The following PTPRJ variants were observed in gnomAD, a reference collection of about 807,000 sequenced individuals.
The protein encoded by PTPRJ is receptor-type tyrosine-protein phosphatase eta.
A neutral mutation model predicts 141.3 loss-of-function variants in PTPRJ; 129 were observed. The ratio of observed to expected loss-of-function variants is 0.91; its 90% CI spans 0.79 to 1.06. The LOEUF (loss-of-function observed/expected upper bound fraction) is 1.06. PTPRJ is among the 50% of genes least tolerant of loss of function. The pLI is 0.00. For synonymous variants in PTPRJ, 610 were observed against 640.5 expected (o/e 0.95, Z 0.72); for missense variants, 1,601 against 1,679.7 (o/e 0.95, Z 0.82).
chr11:48,121,730 T>C (rs1041547480), intron 4 of PTPRJ, among the ~76,000 whole-genome samples: 32 of 152,334 alleles, frequency 2.1e-4, no homozygotes, highest in African/African-American at 7.7e-4. Context: ...AATTCAGATT[T>C]GACAGTTTAG....
chr11:48,145,241 C>T (rs1857323244), intron 14 of PTPRJ, 117 bp downstream of exon 14: 1 of 1,402,094 alleles, frequency 7.1e-7, no homozygotes, highest in Non-Finnish European at 9.8e-7. Flanking sequence ...GTGTGCCCAG[C>T]TCTCCCCTCC....
chr11:48,149,316 G>C, intron 15 of PTPRJ, 131 bp from the exon 16 acceptor site: 2 of 683,006 alleles, frequency 2.9e-6, no homozygotes, highest in East Asian at 5.8e-5. Context: ...TTTGGTGTCA[G>C]CTGTGAACTA....
At chr11:48,037,847 A>G (rs556934075) in intron 1 of PTPRJ, among the ~76,000 whole-genome samples, 1 of 151,964 alleles carries the variant, frequency 6.6e-6, no homozygotes, top group African/African-American at 2.4e-5. Context: ...CCACACACCT[A>G]GTTTTTCAGC....
chr11:48,081,447 G>GGGGCTT (rs1291891798), intron 1 of PTPRJ, among the ~76,000 whole-genome samples: 1 of 152,194 alleles, frequency 6.6e-6, no homozygotes, highest in East Asian at 1.9e-4. Context: ...AGCTCCATGT[G>GGGGCTT]GGGCTTGGGC....
At chr11:48,041,752 G>A (rs1322457496) in intron 1 of PTPRJ, among the ~76,000 whole-genome samples, 3 of 152,028 alleles carry the variant, frequency 2.0e-5, no homozygotes, top group African/African-American at 4.8e-5. Flanking sequence ...AGCCTCCTGA[G>A]TAGATGGGAC....
intron 1 of PTPRJ, among the ~76,000 whole-genome samples, chr11:48,052,781 A>C (rs1016715461): frequency 4.6e-5 from 7 of 152,110 alleles, no homozygotes; most frequent in Admixed American, 2.0e-4. Context: ...TCCCTGGGTA[A>C]CAGGGAAGTA....
intron 1 of PTPRJ, among the ~76,000 whole-genome samples, chr11:48,096,533 C>A (rs1410446477): frequency 2.0e-5 from 3 of 151,796 alleles, no homozygotes; most frequent in Non-Finnish European, 4.4e-5. Flanking sequence ...CCCACGCCCG[C>A]CCCCACCCCC....
At position 48,169,225 on chromosome 11, in the gene PTPRJ, G is replaced by T. The variant is rs12798703; in HGVS notation, c.*1863G>T. 12,897 of 152,212 alleles carry T rather than the reference G, an allele frequency of 0.085. 710 individuals carry two copies. Among genetic ancestry groups the T allele is most frequent in the African/African-American group, 0.15 (6,022 of 41,512 alleles). 9.4% of individuals were successfully genotyped at this position (152,212 alleles called of 1,614,324 possible). A position where few individuals can be genotyped will look rare whatever the true frequency, so the allele number is the denominator to read the frequency against. On this transcript the variant is annotated 3_prime_UTR_variant, in exon 25 of 25. Transcript: ENST00000418331. ...TTTGAGGTACTGAAAGGATGAAAAG[G>T]TGGTGTCATGTTTTGGGGAGAATCT... is the stretch of plus-strand genomic sequence containing the variant.
rs200339052 is a variant in PTPRJ, at chr11:48,163,493, C to T, written c.3594C>T (p.Phe1198=). The change falls in exon 23 of 25, where the codon TTC becomes TTT. Residue 1198 remains phenylalanine, a synonymous_variant. Coordinates refer to ENST00000418331, the MANE Select transcript of PTPRJ (RefSeq NM_002843.4). ...GTGAGAGTCACCCTCTGAGACAGTT[C>T]CATTTCACCTCCTGGCCAGACCACG... is the stretch of plus-strand genomic sequence containing the variant. The part of the protein sequence containing the change: ...QTSESHPLRQ[F]HFTSWPDHGV... 6 of 1,614,020 alleles carry T rather than the reference C, an allele frequency of 3.7e-6. No individual in the cohort carries two copies. The East Asian group carries it at 1.3e-4, about 36-fold the overall frequency.
intron 1 of PTPRJ, among the ~76,000 whole-genome samples, chr11:48,099,325 A>G (rs118114586): frequency 0.014 from 2,195 of 152,346 alleles, 21 homozygotes; most frequent in Non-Finnish European, 0.019. Context: ...CAAAATCTAC[A>G]AAGAATAATG....
At chr11:48,090,082 C>T (rs1393954535) in intron 1 of PTPRJ, among the ~76,000 whole-genome samples, 1 of 152,186 alleles carries the variant, frequency 6.6e-6, no homozygotes, top group East Asian at 1.9e-4. Flanking sequence ...AGCTGGTGTT[C>T]AGTCCCCTCC....
rs755453567 is a variant in PTPRJ at position 48,009,953 on chromosome 11, T to G, written c.96+28945T>G. On this transcript the variant is annotated intron_variant, in intron 1 of 24. Transcript: ENST00000418331. Reference sequence around the variant, plus strand: ...CCCATGCCTGTTGGATACTGTTGAGTTATTTGGGTTGGCATGTAGTGCAGC... The same window carrying G: ...CCCATGCCTGTTGGATACTGTTGAGGTATTTGGGTTGGCATGTAGTGCAGC... 6.5e-4 allele frequency among the ~76,000 whole-genome samples: 99 copies of G among 152,220 alleles called. 1 individual carries two copies. The highest frequency in any genetic ancestry group is 3.1e-4 in the Non-Finnish European group (21 of 68,040).
chr11:48,034,578 T>G (rs1228053), intron 1 of PTPRJ, among the ~76,000 whole-genome samples: 10,954 of 152,266 alleles, frequency 0.072, 1,279 homozygotes, highest in African/African-American at 0.24. Flanking sequence ...TTGCACTCAC[T>G]TGCATATACT....
At chr11:48,053,391 AAT>A (rs1348184604) in intron 1 of PTPRJ, among the ~76,000 whole-genome samples, 10 of 104,696 alleles carry the variant, frequency 9.6e-5, no homozygotes, top group African/African-American at 3.6e-4. Context: ...TATATATAAA[AAT>A]ATATGATATA....
At chr11:48,067,919 A>G (rs572605393) in intron 1 of PTPRJ, among the ~76,000 whole-genome samples, 1 of 152,342 alleles carries the variant, frequency 6.6e-6, no homozygotes, top group South Asian at 2.1e-4. Context: ...TAATGAGAAT[A>G]CAGAAGGCCC....
Position 47,987,017 on chromosome 11 carries a change from A to T in PTPRJ, c.96+6009A>T, listed in dbSNP as rs143195943. Among the ~76,000 whole-genome samples the T allele has an allele frequency of 2.1e-3, 325 of 152,040 alleles. 2 individuals are homozygous for T. Among genetic ancestry groups the T allele is most frequent in the African/African-American group, 7.4e-3 (306 of 41,492 alleles). On this transcript the variant is annotated intron_variant, in intron 1 of 24. Transcript: ENST00000418331. ...GATCAGGTGAGCCCAGGAGTTTGAG[A>T]CCAGCCTGGATGACAAAGTGAGACC...
chr11:48,160,543 TC>T (rs1198431887), intron 22 of PTPRJ, among the ~76,000 whole-genome samples: 1 of 152,230 alleles, frequency 6.6e-6, no homozygotes, highest in African/African-American at 2.4e-5. Context: ...TTCTAGGAAG[TC>T]AAGTTTATGT....
chr11:48,164,122 C>T (rs1002270850), intron 23 of PTPRJ, among the ~76,000 whole-genome samples: 1 of 152,158 alleles, frequency 6.6e-6, no homozygotes, highest in African/African-American at 2.4e-5. Flanking sequence ...TTGAATGGAA[C>T]TGAGATTGAA....
intron 1 of PTPRJ, among the ~76,000 whole-genome samples, chr11:48,074,385 C>T (rs1244080214): frequency 1.3e-5 from 2 of 152,152 alleles, no homozygotes; most frequent in Admixed American, 1.3e-4. Flanking sequence ...TTTTACTTGA[C>T]AAGAATCATG....
Sources: gnomAD v4.1 joint callset for allele counts (sites outside exome capture counted in the v4.1 genomes callset) on GRCh38, gnomAD v4.1.1 for gene constraint, MANE v1.5 for transcripts, NCBI Gene and HGNC (gene_info 2026-07-23, HGNC 2026-07-21) for gene names.